The following NR1H4 variants were observed in gnomAD, a reference collection of about 807,000 sequenced individuals.
NR1H4 encodes bile acid receptor.
Under a neutral mutation model 58.5 loss-of-function variants are expected in NR1H4, and 23 were observed. That is an observed-to-expected ratio of 0.39 (90% CI 0.28 to 0.56). NR1H4 has a LOEUF of 0.56. Ranked by LOEUF, NR1H4 falls within the 20% of genes least tolerant of loss-of-function variation. The pLI, the probability that NR1H4 is intolerant of heterozygous loss-of-function variation, is 0.58. For synonymous variants in NR1H4, 214 were observed against 198.0 expected (o/e 1.08, Z -0.68); for missense variants, 487 against 576.9 (o/e 0.84, Z 1.60).
Position 100,563,770 on chromosome 12 carries a change from A to C in NR1H4, c.*281A>C, listed in dbSNP as rs559198223. 1 of 404,376 alleles carries C rather than the reference A, an allele frequency of 2.5e-6. No homozygotes were observed. Among genetic ancestry groups the C allele is most frequent in the African/African-American group, 2.0e-5 (1 of 50,128 alleles). The allele number at this position is 404,376 out of a possible 1,614,324, so 25.0% of individuals were successfully genotyped here. ...TTACTTCAATTCTATCTGTTGAACT[A>C]GGGAAAATCTCATTTTGCTCATCTT... On this transcript the variant is annotated 3_prime_UTR_variant, in exon 11 of 11. Transcript: ENST00000392986.
In NR1H4 at chr12:100,534,894, G is replaced by T; in HGVS notation, c.603G>T (p.Leu201Phe). ...GMLAECMYTG[L>F]LTEIQCKSKR... ...CTCTATGCTTATTTGTTTTAGGCTT[G>T]TTAACTGAAATTCAGTGTAAATCTA... The change falls in exon 6 of 11, where the codon TTG becomes TTT. Residue 201 changes from leucine to phenylalanine, a missense_variant. Coordinates refer to ENST00000392986, the MANE Select transcript of NR1H4 (RefSeq NM_001206979.2). 6.2e-7 allele frequency: 1 copy of T among 1,614,140 alleles called. No individual in the cohort carries two copies. The highest frequency in any genetic ancestry group is 8.5e-7 in the Non-Finnish European group (1 of 1,180,008).
intron 10 of NR1H4, among the ~76,000 whole-genome samples, chr12:100,562,486 T>A (rs544417321): frequency 8.0e-4 from 122 of 152,252 alleles, no homozygotes; most frequent in African/African-American, 2.8e-3. Flanking sequence ...CTTTTTAACA[T>A]AATAAGGAAC....
chr12:100,480,014 CAG>C (rs1953346393), intron 1 of NR1H4, among the ~76,000 whole-genome samples: 1 of 152,244 alleles, frequency 6.6e-6, no homozygotes, highest in Admixed American at 6.5e-5. Context: ...TTATCCTCAT[CAG>C]AAATCCTATT....
intron 1 of NR1H4, among the ~76,000 whole-genome samples, chr12:100,484,576 C>T (rs1049521263): frequency 2.0e-5 from 3 of 152,148 alleles, no homozygotes; most frequent in Admixed American, 1.3e-4. Flanking sequence ...TTCACCAATA[C>T]CCAAGGTTTA....
chr12:100,531,118 A>G (rs1229613516), intron 4 of NR1H4, among the ~76,000 whole-genome samples: 1 of 152,244 alleles, frequency 6.6e-6, no homozygotes, highest in Non-Finnish European at 1.5e-5. Flanking sequence ...TGAAGGAGAC[A>G]CATACCATGG....
At chr12:100,533,398 A>G (rs1954740453) in intron 5 of NR1H4, among the ~76,000 whole-genome samples, 2 of 152,070 alleles carry the variant, frequency 1.3e-5, no homozygotes, top group South Asian at 4.1e-4. Context: ...TCAGAAGGTG[A>G]CTCCAGTTCT....
chr12:100,507,517 C>T (rs1953996513), intron 3 of NR1H4, among the ~76,000 whole-genome samples: 1 of 152,002 alleles, frequency 6.6e-6, no homozygotes, highest in South Asian at 2.1e-4. Flanking sequence ...GGCTGGAGTG[C>T]AGTGGCGCGA....
At position 100,510,798 on chromosome 12, in the gene NR1H4, G is replaced by A; in HGVS notation, c.100G>A (p.Ala34Thr). The A allele has an allele frequency of 1.2e-6, 2 of 1,613,930 alleles. No homozygotes were observed. The highest frequency in any genetic ancestry group is 1.7e-6 in the Non-Finnish European group (2 of 1,179,948). ...TTCAGGTGTTTTAACAGAACAAGTG[G>A]CAGGTCCTCTGGGACAGAACCTGGA... ...NLFGVLTEQVAGPLGQNLEVE... is the reference protein window; with the variant it reads ...NLFGVLTEQVTGPLGQNLEVE... Residue 34 changes from alanine (A) to threonine (T), a missense_variant, in exon 4 of 11, where the codon GCA becomes ACA. Coordinates refer to ENST00000392986, the MANE Select transcript of NR1H4 (RefSeq NM_001206979.2).
At chr12:100,559,553 C>A (rs1395827281) in intron 9 of NR1H4, among the ~76,000 whole-genome samples, 1 of 152,156 alleles carries the variant, frequency 6.6e-6, no homozygotes, top group Admixed American at 6.5e-5. Context: ...TGTACTGGGT[C>A]CCCCAGCAGT....
At chr12:100,481,175 G>A (rs1394817095) in intron 1 of NR1H4, among the ~76,000 whole-genome samples, 1 of 152,064 alleles carries the variant, frequency 6.6e-6, no homozygotes, top group South Asian at 2.1e-4. Flanking sequence ...CATTGTAAGA[G>A]CGTGTGGAAA....
chr12:100,559,665 C>A (rs1372605033), intron 9 of NR1H4, among the ~76,000 whole-genome samples: 1 of 152,240 alleles, frequency 6.6e-6, no homozygotes, highest in Non-Finnish European at 1.5e-5. Flanking sequence ...AGCCTCCCAC[C>A]CACTCCATGG....
chr12:100,556,845 G>A (rs1296222221), intron 9 of NR1H4, among the ~76,000 whole-genome samples: 3 of 152,006 alleles, frequency 2.0e-5, no homozygotes, highest in South Asian at 2.1e-4. Flanking sequence ...AATCAAATTC[G>A]TTTATATATT....
chr12:100,536,900 C>T, intron 7 of NR1H4, 48 bp from the exon 8 acceptor site: 1 of 1,108,176 alleles, frequency 9.0e-7, no homozygotes, highest in Admixed American at 2.1e-5. Context: ...TTTATATTAT[C>T]ATTTTCTTAT....
intron 9 of NR1H4, among the ~76,000 whole-genome samples, chr12:100,551,658 C>G (rs1955204825): frequency 6.6e-6 from 1 of 152,200 alleles, no homozygotes; most frequent in Non-Finnish European, 1.5e-5. Flanking sequence ...TCCATTGCCC[C>G]TAGGCAGAAT....
At chr12:100,534,652 G>A (rs1954772879) in intron 5 of NR1H4, among the ~76,000 whole-genome samples, 1 of 152,076 alleles carries the variant, frequency 6.6e-6, no homozygotes, top group South Asian at 2.1e-4. Context: ...ACTCTATGAG[G>A]TAGATATTAT....
intron 9 of NR1H4, among the ~76,000 whole-genome samples, chr12:100,546,667 C>T (rs1955078039): frequency 6.6e-6 from 1 of 152,052 alleles, no homozygotes; most frequent in Non-Finnish European, 1.5e-5. Context: ...TGCACTCCAG[C>T]CTGGGTGACA....
At position 100,476,113 on chromosome 12, in the gene NR1H4, G is replaced by C. The variant is rs1953264739; in HGVS notation, c.-190+2054G>C. Reference sequence around the variant, plus strand: ...CAAGTGACCCGTCCACAGGCAGATAGTTAGGAAGTAGCGGGACCTGAACTT... The same window carrying C: ...CAAGTGACCCGTCCACAGGCAGATACTTAGGAAGTAGCGGGACCTGAACTT... On this transcript the variant is annotated intron_variant, in intron 1 of 10. Transcript: ENST00000392986. Among the ~76,000 whole-genome samples the C allele has an allele frequency of 2.0e-5, 3 of 152,202 alleles. No homozygotes were observed. In the South Asian group the frequency reaches 6.2e-4, roughly 32 times the overall value.
intron 9 of NR1H4, among the ~76,000 whole-genome samples, chr12:100,559,028 AT>A (rs1459529526): frequency 6.6e-6 from 1 of 152,184 alleles, no homozygotes; most frequent in Non-Finnish European, 1.5e-5. Context: ...TACTATTACT[AT>A]TGTTATTGTG....
At chr12:100,558,501 G>T (rs980217444) in intron 9 of NR1H4, among the ~76,000 whole-genome samples, 1 of 152,150 alleles carries the variant, frequency 6.6e-6, no homozygotes, top group Non-Finnish European at 1.5e-5. Context: ...GGGACCACAG[G>T]CATGTGCCCA....
Sources: gnomAD v4.1 joint callset for allele counts (sites outside exome capture counted in the v4.1 genomes callset) on GRCh38, gnomAD v4.1.1 for gene constraint, MANE v1.5 for transcripts, NCBI Gene and HGNC (gene_info 2026-07-23, HGNC 2026-07-21) for gene names.